TRAPPC9: variants seen among roughly 807,000 people sequenced by gnomAD.
The protein encoded by TRAPPC9 is IKK2 binding protein.
A neutral mutation model predicts 124.0 loss-of-function variants in TRAPPC9; 83 were observed. The observed-to-expected ratio is 0.67, with a 90% CI of 0.56 to 0.80. The LOEUF (loss-of-function observed/expected upper bound fraction) is 0.80, where lower values mean the gene tolerates loss of function less well. Ranked by LOEUF, TRAPPC9 falls within the 30% of genes least tolerant of loss-of-function variation. The pLI is 0.00. For synonymous variants in TRAPPC9, 638 were observed against 617.5 expected, an observed-to-expected ratio of 1.03 and a Z score of -0.49; for missense variants, 1,302 against 1,508.3, an observed-to-expected ratio of 0.86 and a Z score of 2.27.
Position 139,841,191 on chromosome 8 carries a change from G to A in TRAPPC9, c.3055+44688C>T, listed in dbSNP as rs181059679. On this transcript the variant is annotated intron_variant, in intron 21 of 22. Transcript: ENST00000438773. The stretch of plus-strand genomic sequence containing the variant: ...TCCTTCTTGTGGTCCTTCTCACATC[G>A]CATCACTCCGCCCTCCTCTTCTGCC... Among the ~76,000 whole-genome samples, 9 of 152,172 alleles carry A rather than the reference G, an allele frequency of 5.9e-5. 1 individual carries two copies. The highest frequency in any genetic ancestry group is 2.6e-4 in the Admixed American group (4 of 15,288).
At chr8:140,035,077 G>A (rs1317565938) in intron 17 of TRAPPC9, among the ~76,000 whole-genome samples, 1 of 152,242 alleles carries the variant, frequency 6.6e-6, no homozygotes, top group Non-Finnish European at 1.5e-5. Context: ...AACTGTGGAA[G>A]GGATGATTTT....
chr8:139,901,325 C>T (rs7832157), intron 20 of TRAPPC9, among the ~76,000 whole-genome samples: 53,058 of 152,162 alleles, frequency 0.35, 10,602 homozygotes, highest in African/African-American at 0.56. Context: ...ATAGAAATTA[C>T]ACTAATGGAA....
At chr8:140,283,726 A>G (rs374060393) in intron 14 of TRAPPC9, among the ~76,000 whole-genome samples, 163 bp downstream of exon 14, 157 of 152,120 alleles carry the variant, frequency 1.0e-3, no homozygotes, top group African/African-American at 3.5e-3. Context: ...GTTCTAATTC[A>G]TTTTAAGCAA....
intron 18 of TRAPPC9, among the ~76,000 whole-genome samples, chr8:140,013,195 A>G (rs1185620804): frequency 6.6e-6 from 1 of 152,138 alleles, no homozygotes; most frequent in African/African-American, 2.4e-5. Context: ...GTTCAAGCCC[A>G]TCAAGCCCAT....
chr8:140,374,291 C>G (rs930455134), intron 7 of TRAPPC9, among the ~76,000 whole-genome samples: 2 of 152,154 alleles, frequency 1.3e-5, no homozygotes, highest in East Asian at 1.9e-4. Context: ...AGGGGTTGGC[C>G]GGGCGCAGTG....
intron 9 of TRAPPC9, among the ~76,000 whole-genome samples, chr8:140,349,730 G>C (rs2067489419): frequency 6.6e-6 from 1 of 152,204 alleles, no homozygotes; most frequent in Admixed American, 6.5e-5. Flanking sequence ...GCCTGGCGAA[G>C]TCAACATCCG....
chr8:139,804,924 C>A (rs1563827870), intron 21 of TRAPPC9, among the ~76,000 whole-genome samples: 1 of 152,322 alleles, frequency 6.6e-6, no homozygotes, highest in South Asian at 2.1e-4. Flanking sequence ...AAGCTCCCCA[C>A]CAGCCACCAT....
Position 140,221,579 on chromosome 8 carries a change from T to G in TRAPPC9, c.2436A>C (p.Gly812=). The G allele has an allele frequency of 6.2e-7, 1 of 1,613,824 alleles. No individual in the cohort carries two copies. Among genetic ancestry groups the G allele is most frequent in the Non-Finnish European group, 8.5e-7 (1 of 1,179,828 alleles). ...ENLLQDLSDD[G]ISVSGFPLSS... is the part of the protein sequence containing the mutation. ...ACAGGGGAAAGCCACTCACACTGAT[T>G]CCATCTACAAAATAAGAACAAAAAT... The change falls in exon 17 of 23, where the codon GGA becomes GGC. Residue 812 remains glycine, a synonymous_variant. Coordinates refer to ENST00000438773, the MANE Select transcript of TRAPPC9 (RefSeq NM_001160372.4).
intron 9 of TRAPPC9, among the ~76,000 whole-genome samples, chr8:140,321,141 T>A (rs2066582016): frequency 6.6e-6 from 1 of 152,210 alleles, no homozygotes; most frequent in Non-Finnish European, 1.5e-5. Flanking sequence ...CCGGGAGTGG[T>A]GCAGATTCTC....
intron 21 of TRAPPC9, among the ~76,000 whole-genome samples, chr8:139,841,828 G>A (rs1251476188): frequency 3.3e-5 from 5 of 152,250 alleles, no homozygotes; most frequent in Non-Finnish European, 7.3e-5. Context: ...GTTCCAGGAC[G>A]AAGCCACCAC....
intron 17 of TRAPPC9, among the ~76,000 whole-genome samples, chr8:140,076,854 AT>A (rs1843538727): frequency 6.6e-6 from 1 of 152,254 alleles, no homozygotes; most frequent in African/African-American, 2.4e-5. Context: ...TAACATTTAT[AT>A]AATGTATAGA....
At chr8:140,413,089 T>C (rs1196130899) in intron 5 of TRAPPC9, among the ~76,000 whole-genome samples, 1 of 152,040 alleles carries the variant, frequency 6.6e-6, no homozygotes, top group East Asian at 1.9e-4. Context: ...TGTGCAATAA[T>C]TAAAAAGTCA....
intron 4 of TRAPPC9, among the ~76,000 whole-genome samples, chr8:140,434,241 T>C (rs2070739655): frequency 6.6e-6 from 1 of 152,218 alleles, no homozygotes; most frequent in Non-Finnish European, 1.5e-5. Flanking sequence ...CTGCTTTCAT[T>C]ATTTTGTTGC....
chr8:140,248,993 C>G (rs796090474), intron 16 of TRAPPC9, among the ~76,000 whole-genome samples: 14 of 151,804 alleles, frequency 9.2e-5, no homozygotes, highest in African/African-American at 3.4e-4. Context: ...AAATGAAGAT[C>G]TATATCTCTT....
intron 17 of TRAPPC9, among the ~76,000 whole-genome samples, chr8:140,200,299 C>T (rs529912169): frequency 6.6e-6 from 1 of 152,154 alleles, no homozygotes; most frequent in Non-Finnish European, 1.5e-5. Flanking sequence ...CGGGACAAGA[C>T]CTTCGTAAAG....
chr8:140,287,185 C>A (rs2065508859), intron 13 of TRAPPC9, among the ~76,000 whole-genome samples: 1 of 152,044 alleles, frequency 6.6e-6, no homozygotes, highest in African/African-American at 2.4e-5. Flanking sequence ...CTGTATTTAG[C>A]CCAAAAAATA....
chr8:139,851,820 C>G (rs911068207), intron 21 of TRAPPC9, among the ~76,000 whole-genome samples: 3 of 152,186 alleles, frequency 2.0e-5, no homozygotes, highest in Admixed American at 6.5e-5. Flanking sequence ...CAAAGTCATT[C>G]AGTCACGCAC....
At chr8:139,943,506 A>G (rs1834032598) in intron 19 of TRAPPC9, among the ~76,000 whole-genome samples, 1 of 152,262 alleles carries the variant, frequency 6.6e-6, no homozygotes, top group African/African-American at 2.4e-5. Context: ...TATAATTGAA[A>G]GTTAACTGAC....
chr8:140,105,547 G>A (rs1347833312), intron 17 of TRAPPC9, among the ~76,000 whole-genome samples: 3 of 152,084 alleles, frequency 2.0e-5, no homozygotes, highest in Admixed American at 1.3e-4. Context: ...CCCTCCTGAC[G>A]TGCCCTATCT....
Sources: allele counts gnomAD v4.1 joint callset (sites outside exome capture counted in the v4.1 genomes callset), GRCh38; gene constraint gnomAD v4.1.1; transcripts MANE v1.5; gene names NCBI Gene and HGNC (gene_info 2026-07-23, HGNC 2026-07-21).